The following PDE8B variants were observed in gnomAD, a reference collection of about 807,000 sequenced individuals.
PDE8B encodes phosphodiesterase 8B, also known as high affinity cAMP-specific and IBMX-insensitive 3',5'-cyclic phosphodiesterase 8B.
Under a neutral mutation model 101.3 loss-of-function variants are expected in PDE8B, and 26 were observed. The observed-to-expected ratio is 0.26, with a 90% CI of 0.19 to 0.36. The LOEUF (loss-of-function observed/expected upper bound fraction) is 0.36. Among genes scored for constraint, PDE8B ranks in the 10% least tolerant of loss-of-function variants. PDE8B has a pLI of 1.00. For missense variants in PDE8B, 810 were observed against 1,163.1 expected (o/e 0.70, Z 4.42); for synonymous variants, 424 against 429.3 (o/e 0.99, Z 0.15).
intron 21 of PDE8B, 57 bp from the exon 22 acceptor site, chr5:77,426,385 TATA>T: frequency 8.9e-7 from 1 of 1,120,716 alleles, no homozygotes; most frequent in Admixed American, 1.8e-5. Context: ...CCCCCAGGCT[TATA>T]AATGCTCCTG....
At chr5:77,119,866 C>T in the PDE8B span, among the ~76,000 whole-genome samples, 1 of 151,848 alleles carries the variant, frequency 6.6e-6, no homozygotes. Context: ...AGACATTAGC[C>T]AGGCATGGTG....
chr5:77,208,832 G>A (rs377067354), upstream of PDE8B, among the ~76,000 whole-genome samples: 12 of 152,176 alleles, frequency 7.9e-5, no homozygotes, highest in African/African-American at 2.9e-4. Context: ...ACTGGTCCAT[G>A]CTGGGGTATA....
chr5:77,296,255 TCTC>T (rs1196217580), intron 1 of PDE8B, among the ~76,000 whole-genome samples: 3 of 151,508 alleles, frequency 2.0e-5, no homozygotes, highest in Admixed American at 1.3e-4. Context: ...TTTCTCTCCT[TCTC>T]CTTCTTCTTC....
At chr5:77,247,185 A>G (rs1030077889) in intron 1 of PDE8B, among the ~76,000 whole-genome samples, 2 of 152,100 alleles carry the variant, frequency 1.3e-5, no homozygotes, top group Admixed American at 6.5e-5. Context: ...GAAATATGAG[A>G]CCTTCTGGTT....
Position 77,404,931 on chromosome 5 carries a change from CA to C in PDE8B, c.1288+137del. The C allele has an allele frequency of 3.0e-6, 2 of 673,042 alleles. 1 individual carries two copies. Among genetic ancestry groups the C allele is most frequent in the Middle Eastern group, 6.8e-4 (2 of 2,928 alleles). 41.7% of individuals were successfully genotyped at this position (673,042 alleles called of 1,614,324 possible). A position where few individuals can be genotyped will look rare whatever the true frequency, so the allele number is the denominator to read the frequency against. On this transcript the variant is annotated intron_variant, in intron 12 of 21. Transcript: ENST00000264917. ...ACACCGACTTATTTTTCAATAAGCT[CA>C]AAGGTTTTAGGGGTTTTAATTATTT...
At chr5:77,185,406 C>T in the PDE8B span, among the ~76,000 whole-genome samples, 1 of 152,170 alleles carries the variant, frequency 6.6e-6, no homozygotes, top group Non-Finnish European at 1.5e-5. Flanking sequence ...ATGGTCTTCC[C>T]TCTGTGTGTC....
At chr5:77,327,674 A>G (rs1209680538) in intron 3 of PDE8B, among the ~76,000 whole-genome samples, 1 of 152,186 alleles carries the variant, frequency 6.6e-6, no homozygotes, top group Non-Finnish European at 1.5e-5. Context: ...GTATAGCTTC[A>G]CCTTAGCAGG....
intron 10 of PDE8B, chr5:77,358,439 T>C: frequency 1.0e-6 from 1 of 985,366 alleles, no homozygotes; most frequent in Non-Finnish European, 1.2e-6. Context: ...GGATCATTAA[T>C]CTTATGCTGC....
At chr5:77,383,617 T>G (rs1787956375) in intron 10 of PDE8B, among the ~76,000 whole-genome samples, 1 of 152,254 alleles carries the variant, frequency 6.6e-6, no homozygotes, top group African/African-American at 2.4e-5. Context: ...CTTCTAGGTC[T>G]TACATTTAAG....
intron 1 of PDE8B, among the ~76,000 whole-genome samples, chr5:77,244,603 G>C (rs1053165618): frequency 1.3e-5 from 2 of 152,002 alleles, no homozygotes; most frequent in South Asian, 4.2e-4. Context: ...TAACCAACCT[G>C]TATATAGTTC....
the PDE8B span, among the ~76,000 whole-genome samples, chr5:77,125,105 A>G: frequency 3.5e-4 from 53 of 151,942 alleles, no homozygotes; most frequent in African/African-American, 1.3e-3. Context: ...TGATTCTTCC[A>G]CCTCAGCCTC....
At chr5:77,300,905 A>G (rs1033874390) in intron 1 of PDE8B, among the ~76,000 whole-genome samples, 2 of 152,372 alleles carry the variant, frequency 1.3e-5, no homozygotes, top group East Asian at 3.9e-4. Context: ...TTCCTTTTCA[A>G]AAAAGTGGGC....
At chr5:77,205,018 T>C in the PDE8B span, among the ~76,000 whole-genome samples, 1 of 152,142 alleles carries the variant, frequency 6.6e-6, no homozygotes, top group African/African-American at 2.4e-5. Context: ...ATTATTGGGG[T>C]CCAAAGTTCT....
intron 10 of PDE8B, among the ~76,000 whole-genome samples, chr5:77,378,831 A>T (rs1349368018): frequency 6.6e-6 from 1 of 152,238 alleles, no homozygotes; most frequent in Non-Finnish European, 1.5e-5. Context: ...GTTGGTTTTA[A>T]CAAGCCCTTC....
At chr5:77,400,211 C>A (rs763715934) in intron 10 of PDE8B, 37 bp from the exon 11 acceptor site, 14 of 1,461,648 alleles carry the variant, frequency 9.6e-6, no homozygotes, top group African/African-American at 1.4e-5. Flanking sequence ...TATTTAAAAT[C>A]TTTCTCTTGT....
chr5:77,261,011 A>G (rs1760468110), intron 1 of PDE8B, among the ~76,000 whole-genome samples: 1 of 152,200 alleles, frequency 6.6e-6, no homozygotes, highest in Admixed American at 6.5e-5. Flanking sequence ...CAAATTGGGA[A>G]CGATTGATCA....
chr5:77,193,394 G>C, the PDE8B span, among the ~76,000 whole-genome samples: 1 of 152,060 alleles, frequency 6.6e-6, no homozygotes. Flanking sequence ...TATGCATTTG[G>C]ATACTCAGTC....
chr5:77,402,615 T>C (rs956632416), intron 11 of PDE8B, among the ~76,000 whole-genome samples: 16 of 152,194 alleles, frequency 1.1e-4, no homozygotes, highest in Non-Finnish European at 2.2e-4. Flanking sequence ...TCTAAAGACA[T>C]ATATGCAAAT....
the PDE8B span, among the ~76,000 whole-genome samples, chr5:77,164,132 A>C: frequency 1.3e-5 from 2 of 152,246 alleles, no homozygotes; most frequent in Admixed American, 1.3e-4. Context: ...GGTTGACTTG[A>C]GGTTAAAATA....
Sources: gnomAD v4.1 joint callset for allele counts (sites outside exome capture counted in the v4.1 genomes callset) on GRCh38, gnomAD v4.1.1 for gene constraint, MANE v1.5 for transcripts, NCBI Gene and HGNC (gene_info 2026-07-23, HGNC 2026-07-21) for gene names.